CNTNAP2: variants seen among roughly 807,000 people sequenced by gnomAD.
CNTNAP2 encodes the protein contactin-associated protein-like 2.
CNTNAP2 carries 98 observed loss-of-function variants against 155.2 expected under a neutral mutation model. The ratio of observed to expected loss-of-function variants is 0.63; its 90% CI spans 0.54 to 0.75. The LOEUF is 0.75. Ranked by LOEUF, CNTNAP2 falls within the 30% of genes least tolerant of loss-of-function variation. CNTNAP2 has a pLI of 0.00. For synonymous variants in CNTNAP2, 651 were observed against 631.2 expected (o/e 1.03, Z -0.47); for missense variants, 1,727 against 1,688.1 (o/e 1.02, Z -0.40).
intron 13 of CNTNAP2, among the ~76,000 whole-genome samples, chr7:147,765,206 T>C (rs553949009): frequency 4.9e-4 from 74 of 152,316 alleles, no homozygotes; most frequent in African/African-American, 1.7e-3. Context: ...TATTTTATCA[T>C]ACTCAGCAGT....
intron 1 of CNTNAP2, among the ~76,000 whole-genome samples, chr7:146,504,651 G>C (rs1008154922): frequency 2.6e-5 from 4 of 152,190 alleles, no homozygotes; most frequent in Admixed American, 2.6e-4. Context: ...TTAATGCTAA[G>C]AGGTAGAGCC....
intron 9 of CNTNAP2, chr7:147,378,097 GC>G: frequency 2.2e-6 from 1 of 459,520 alleles, no homozygotes; most frequent in Non-Finnish European, 4.4e-6. Context: ...TATTACTTTT[GC>G]ACCAACCTAA....
intron 8 of CNTNAP2, among the ~76,000 whole-genome samples, chr7:147,264,283 C>A (rs935450147): frequency 6.6e-6 from 1 of 152,032 alleles, no homozygotes; most frequent in Non-Finnish European, 1.5e-5. Flanking sequence ...AAACCATTTC[C>A]CCAGAGAAGC....
intron 1 of CNTNAP2, among the ~76,000 whole-genome samples, chr7:146,133,072 C>G (rs1229942021): frequency 2.2e-4 from 32 of 147,764 alleles, no homozygotes; most frequent in Non-Finnish European, 3.7e-4. Context: ...TCTCCAGCAC[C>G]TGTTGTTTCC....
chr7:148,212,701 G>C (rs56047726), intron 18 of CNTNAP2, among the ~76,000 whole-genome samples: 1 of 152,170 alleles, frequency 6.6e-6, no homozygotes, highest in Non-Finnish European at 1.5e-5. Context: ...GAAGAGATGA[G>C]AGAATTGCTT....
intron 8 of CNTNAP2, among the ~76,000 whole-genome samples, chr7:147,237,748 GA>G (rs1035667602): frequency 1.1e-4 from 16 of 152,164 alleles, no homozygotes; most frequent in African/African-American, 2.9e-4. Context: ...CACAGTGGTG[GA>G]AATTCAGTCA....
At chr7:146,737,095 A>C (rs1801633894) in intron 1 of CNTNAP2, among the ~76,000 whole-genome samples, 1 of 152,178 alleles carries the variant, frequency 6.6e-6, no homozygotes, top group African/African-American at 2.4e-5. Context: ...CATCCAAAAA[A>C]TAAATTAAGA....
intron 11 of CNTNAP2, among the ~76,000 whole-genome samples, chr7:147,540,241 C>T (rs948130683): frequency 3.3e-5 from 5 of 152,046 alleles, no homozygotes; most frequent in African/African-American, 7.2e-5. Context: ...AGTGTCACTC[C>T]AGACCCCCCA....
chr7:146,859,411 C>A (rs1156597753), intron 3 of CNTNAP2, among the ~76,000 whole-genome samples: 1 of 152,278 alleles, frequency 6.6e-6, no homozygotes, highest in East Asian at 1.9e-4. Context: ...AGTCCCAGCA[C>A]TTTGGGAGGC....
chr7:148,099,559 G>C (rs1036641559), intron 15 of CNTNAP2, among the ~76,000 whole-genome samples: 3 of 151,848 alleles, frequency 2.0e-5, no homozygotes, highest in Non-Finnish European at 4.4e-5. Flanking sequence ...CAGTATAAAT[G>C]AGAAGGTCCC....
chr7:147,577,115 C>G (rs933900218), intron 12 of CNTNAP2, among the ~76,000 whole-genome samples: 1 of 152,058 alleles, frequency 6.6e-6, no homozygotes, highest in East Asian at 1.9e-4. Flanking sequence ...GTTACTTTCA[C>G]GTGACCAGCA....
chr7:146,872,071 A>T (rs1795320665), intron 3 of CNTNAP2, among the ~76,000 whole-genome samples: 1 of 152,140 alleles, frequency 6.6e-6, no homozygotes, highest in Non-Finnish European at 1.5e-5. Context: ...TTATATTAAA[A>T]GGTAACTATT....
intron 2 of CNTNAP2, among the ~76,000 whole-genome samples, chr7:146,792,840 AT>A (rs1041946054): frequency 1.3e-5 from 2 of 151,796 alleles, no homozygotes; most frequent in Admixed American, 6.6e-5. Context: ...AATAATAATT[AT>A]TTTTTTTGAA....
chr7:146,887,868 A>G (rs1795698898), intron 3 of CNTNAP2, among the ~76,000 whole-genome samples: 1 of 152,160 alleles, frequency 6.6e-6, no homozygotes, highest in African/African-American at 2.4e-5. Context: ...ACCTACAATT[A>G]GTCAAAAAGA....
At chr7:147,527,015 CTTTTTTT>C (rs888976222) in intron 11 of CNTNAP2, among the ~76,000 whole-genome samples, 165 of 65,152 alleles carry the variant, frequency 2.5e-3, no homozygotes, top group Non-Finnish European at 3.7e-3. Context: ...ACAGGCATTT[CTTTTTTT>C]TTTTTTTTTT....
At chr7:147,235,345 G>GGTGTGTGTGTGT (rs60072934) in intron 8 of CNTNAP2, among the ~76,000 whole-genome samples, 7,429 of 140,868 alleles carry the variant, frequency 0.053, 263 homozygotes, top group Middle Eastern at 0.06. Flanking sequence ...TGGAGTTTTT[G>GGTGTGTGTGTGT]GTGTGTGTGT....
rs371251256 is a variant in CNTNAP2, at chr7:147,719,503, A to G, written c.2098+80197A>G. Among the ~76,000 whole-genome samples, 6 of 152,210 alleles carry G rather than the reference A, an allele frequency of 3.9e-5. No individual in the cohort carries two copies. The South Asian group carries it at 8.3e-4, about 21-fold the overall frequency. On this transcript the variant is annotated intron_variant, in intron 13 of 23. Transcript: ENST00000361727. Reference sequence around the variant, plus strand: ...TGTACACAGACCTCATTGTCTCTAAATGATTCACCTAACTGCCAGTGGTCA... The same window carrying G: ...TGTACACAGACCTCATTGTCTCTAAGTGATTCACCTAACTGCCAGTGGTCA...
At chr7:147,822,393 A>T (rs1798376200) in intron 13 of CNTNAP2, among the ~76,000 whole-genome samples, 1 of 152,156 alleles carries the variant, frequency 6.6e-6, no homozygotes, top group African/African-American at 2.4e-5. Context: ...TTATAACAAG[A>T]TGTTCTCACT....
At chr7:147,610,609 C>T (rs1039962357) in intron 12 of CNTNAP2, among the ~76,000 whole-genome samples, 28 of 152,186 alleles carry the variant, frequency 1.8e-4, no homozygotes, top group African/African-American at 6.5e-4. Flanking sequence ...TCAGTGAGGA[C>T]GTGCCCTGTG....
Sources: allele counts gnomAD v4.1 joint callset (sites outside exome capture counted in the v4.1 genomes callset), GRCh38; gene constraint gnomAD v4.1.1; transcripts MANE v1.5; gene names NCBI Gene and HGNC (gene_info 2026-07-23, HGNC 2026-07-21).